POMT1: variants seen among roughly 807,000 people sequenced by gnomAD.
POMT1 encodes the protein protein O-mannosyltransferase 1.
A neutral mutation model predicts 101.6 loss-of-function variants in POMT1; 85 were observed. The observed-to-expected ratio is 0.84, with a 90% CI of 0.70 to 1.00. The LOEUF (loss-of-function observed/expected upper bound fraction) is 1.00. Among genes scored for constraint, POMT1 ranks in the 50% least tolerant of loss-of-function variants. The pLI is 0.00. For missense variants in POMT1, 857 were observed against 930.4 expected (o/e 0.92, Z 1.03); for synonymous variants, 371 against 383.0 (o/e 0.97, Z 0.37).
rs1468778412 is a variant in POMT1, at chr9:131,522,097, G to T, written c.1876G>T (p.Ala626Ser). 6.2e-7 allele frequency: 1 copy of T among 1,614,098 alleles called. No homozygotes were observed. The highest frequency in any genetic ancestry group is 2.2e-5 in the East Asian group (1 of 44,872). Residue 626 changes from alanine (A) to serine (S), a missense_variant, in exon 19 of 20, where the codon GCA becomes TCA. By Grantham distance (99) the Ala-to-Ser change is moderately conservative. Transcript: ENST00000402686. This position sits in a 1 kb window ranked among gnomAD's most constrained non-coding sequence, Gnocchi z 5.5. Reference protein sequence around the residue: ...LAGALCAGGWAVNYLPFFLME... With the variant: ...LAGALCAGGWSVNYLPFFLME... Reference sequence around the variant, plus strand: ...TGGGGCGCTGTGTGCCGGTGGCTGGGCAGTGAACTACCTCCCGTTCTTCCT... The same window carrying T: ...TGGGGCGCTGTGTGCCGGTGGCTGGTCAGTGAACTACCTCCCGTTCTTCCT...
chr9:131,504,509 G>A (rs1330052625), intron 2 of POMT1, among the ~76,000 whole-genome samples, 169 bp downstream of exon 2: 1 of 152,098 alleles, frequency 6.6e-6, no homozygotes, highest in East Asian at 1.9e-4. Context: ...CCCCAGCAGA[G>A]TACACCTTTT....
chr9:131,512,057 G>C lies in POMT1; in HGVS notation c.1003G>C (p.Gly335Arg). 6.2e-7 allele frequency: 1 copy of C among 1,614,064 alleles called. No individual in the cohort carries two copies. The highest frequency in any genetic ancestry group is 1.1e-5 in the South Asian group (1 of 91,076). Residue 335 changes from glycine to arginine, a missense_variant, in exon 11 of 20, where the codon GGC becomes CGC. Gly to Arg is a moderately radical substitution (Grantham distance 125). Coordinates refer to ENST00000402686, the MANE Select transcript of POMT1 (RefSeq NM_001077365.2). ...TTCACACAGATATGAGAACGGCCGA[G>C]GCAGCTCCCACCAGCAACAGGTGAC... ...TYPMIYENGR[G>R]SSHQQQVTCY... is the part of the protein sequence containing the mutation.
At chr9:131,513,456 C>T in intron 12 of POMT1, 125 bp downstream of exon 12, 1 of 905,180 alleles carries the variant, frequency 1.1e-6, no homozygotes, top group Non-Finnish European at 1.8e-6. Flanking sequence ...GCATGTGTAG[C>T]AGCTCTTAGA....
intron 5 of POMT1, among the ~76,000 whole-genome samples, chr9:131,507,914 GAAC>G (rs1455766403): frequency 4.7e-4 from 71 of 152,192 alleles, no homozygotes; most frequent in Admixed American, 6.5e-5. Flanking sequence ...TCACGTTTAT[GAAC>G]AGATGAAATT....
chr9:131,520,299 C>CAAA, intron 17 of POMT1, 106 bp downstream of exon 17: 1 of 1,040,102 alleles, frequency 9.6e-7, no homozygotes. Flanking sequence ...TGGGTTTCTC[C>CAAA]CAAGCTTTTC....
At chr9:131,510,978 G>GAGAAGA in intron 9 of POMT1, 1 of 279,514 alleles carries the variant, frequency 3.6e-6, no homozygotes, top group South Asian at 4.2e-5. Context: ...CCGACGGCCA[G>GAGAAGA]TGCTGTAGTG....
chr9:131,511,282 T>C, intron 9 of POMT1, 55 bp from the exon 10 acceptor site: 1 of 1,564,718 alleles, frequency 6.4e-7, no homozygotes, highest in Non-Finnish European at 8.7e-7. Flanking sequence ...GAAGGCTGGC[T>C]TAGGGTCATT....
chr9:131,509,972 G>A lies in POMT1; in HGVS notation c.675G>A (p.Leu225=). 1 of 1,614,244 alleles carries A rather than the reference G, an allele frequency of 6.2e-7. No homozygotes were observed. The highest frequency in any genetic ancestry group is 8.5e-7 in the Non-Finnish European group (1 of 1,180,042). ...LGVAAVHAWH[L]LGDQTLSNVC... ...TTGCAGCTGTCCATGCCTGGCACCT[G>A]CTTGGAGACCAGACTTTGTCCAATG... Residue 225 remains leucine, a synonymous_variant, in exon 8 of 20, where the codon CTG becomes CTA. Coordinates refer to ENST00000402686, the MANE Select transcript of POMT1 (RefSeq NM_001077365.2).
chr9:131,513,193 G>A (rs1252389818), intron 11 of POMT1, 46 bp from the exon 12 acceptor site: 8 of 1,540,646 alleles, frequency 5.2e-6, no homozygotes, highest in East Asian at 2.2e-5. Flanking sequence ...CTGTTAGTTC[G>A]AGGGGACCAG....
At chr9:131,521,056 T>G in intron 17 of POMT1, 1 of 438,592 alleles carries the variant, frequency 2.3e-6, no homozygotes, top group East Asian at 4.9e-5. Flanking sequence ...TTGGGCAGGC[T>G]GGTCTCAAAC....
rs1399745558 is a variant in POMT1, at chr9:131,521,358, C to G, written c.1711C>G (p.Leu571Val). ...CATGTTCCCTTAGGCTCAGATCCAC[C>G]TACTTGGAAACATAGTGATCTGGGT... ...LHPRTSAQIH[L>V]LGNIVIWVSG... Residue 571 changes from leucine (L) to valine (V), a missense_variant, in exon 18 of 20, where the codon CTA becomes GTA. Leu to Val is a conservative substitution (Grantham distance 32, BLOSUM62 1). Coordinates refer to ENST00000402686, the MANE Select transcript of POMT1 (RefSeq NM_001077365.2). The G allele has an allele frequency of 6.2e-7, 1 of 1,614,194 alleles. No individual in the cohort carries two copies. The highest frequency in any genetic ancestry group is 1.7e-5 in the Admixed American group (1 of 60,024).
chr9:131,515,172 G>T (rs949530751), intron 12 of POMT1, among the ~76,000 whole-genome samples: 5 of 152,178 alleles, frequency 3.3e-5, no homozygotes, highest in African/African-American at 1.2e-4. Context: ...TCTAACAGGT[G>T]GAAGGTTCCA....
chr9:131,521,967 C>G, intron 18 of POMT1, 80 bp from the exon 19 acceptor site: 1 of 1,601,092 alleles, frequency 6.2e-7, no homozygotes, highest in Non-Finnish European at 8.5e-7. Context: ...TAAGAACCCT[C>G]TCTCTAAAAA....
intron 15 of POMT1, 40 bp downstream of exon 15, chr9:131,518,997 C>T (rs756004366): frequency 6.2e-7 from 1 of 1,611,584 alleles, no homozygotes; most frequent in Non-Finnish European, 8.5e-7. Context: ...CTGGAATGTA[C>T]TTTCAGCTGC....
At chr9:131,504,064 G>A (rs1945177650) in intron 1 of POMT1, 125 bp from the exon 2 acceptor site, 15 of 1,143,180 alleles carry the variant, frequency 1.3e-5, no homozygotes, top group Admixed American at 1.9e-5. Flanking sequence ...CAGGAACTTC[G>A]GTCTTTCTCA....
chr9:131,512,882 G>A (rs1252074493), intron 11 of POMT1, among the ~76,000 whole-genome samples: 4 of 152,208 alleles, frequency 2.6e-5, no homozygotes, highest in African/African-American at 9.7e-5. Context: ...AAAGTGCTGG[G>A]ATTGCAGGTG....
intron 4 of POMT1, 100 bp downstream of exon 4, chr9:131,506,553 C>A: frequency 9.2e-7 from 1 of 1,090,120 alleles, no homozygotes; most frequent in South Asian, 1.3e-5. Flanking sequence ...TTTTTCCTTT[C>A]ATACCTAGTC....
At position 131,519,890 on chromosome 9, in the gene POMT1, C is replaced by T. The variant is rs900222026; in HGVS notation, c.1585-190C>T. 6.6e-6 allele frequency among the ~76,000 whole-genome samples: 1 copy of T among 152,148 alleles called. No homozygotes were observed. Among genetic ancestry groups the T allele is most frequent in the South Asian group, 2.1e-4 (1 of 4,832 alleles). On this transcript the variant is annotated intron_variant, in intron 16 of 19. Coordinates refer to ENST00000402686, the MANE Select transcript of POMT1 (RefSeq NM_001077365.2). The surrounding 1 kb of genome is among the most constrained non-coding windows in gnomAD (Gnocchi z 4.3). ...GGTAACTGGAGCACATAGGGTGGGGCGACCCTCCCAAGGCCACATTCAGGG... is the reference window on the plus strand; with the variant it reads ...GGTAACTGGAGCACATAGGGTGGGGTGACCCTCCCAAGGCCACATTCAGGG...
chr9:131,509,114 G>C, intron 6 of POMT1, 92 bp downstream of exon 6: 2 of 895,982 alleles, frequency 2.2e-6, no homozygotes, highest in Non-Finnish European at 3.7e-6. Context: ...TTTTTGTTTC[G>C]TTTTGTGAGA....
Sources: allele counts gnomAD v4.1 joint callset (sites outside exome capture counted in the v4.1 genomes callset), GRCh38; gene constraint gnomAD v4.1.1; non-coding constraint Gnocchi (gnomAD v3.1); transcripts MANE v1.5; gene names NCBI Gene and HGNC (gene_info 2026-07-23, HGNC 2026-07-21).